DTNA: variants seen among roughly 807,000 people sequenced by gnomAD.
DTNA encodes dystrobrevin alpha.
DTNA carries 43 observed loss-of-function variants against 100.7 expected under a neutral mutation model. The ratio of observed to expected loss-of-function variants is 0.43; its 90% CI spans 0.33 to 0.55. The LOEUF (loss-of-function observed/expected upper bound fraction) is 0.55. Among genes scored for constraint, DTNA ranks in the 20% least tolerant of loss-of-function variants. DTNA has a pLI of 0.04. For missense variants in DTNA, 798 were observed against 953.9 expected (o/e 0.84, Z 2.15); for synonymous variants, 349 against 347.9 (o/e 1.00, Z -0.04).
At chr18:34,701,508 T>C (rs755673297) in intron 1 of DTNA, among the ~76,000 whole-genome samples, 12 of 152,114 alleles carry the variant, frequency 7.9e-5, no homozygotes, top group Non-Finnish European at 1.3e-4. Flanking sequence ...GTCTCTTCTC[T>C]TCCCAGGACT....
intron 16 of DTNA, among the ~76,000 whole-genome samples, chr18:34,862,968 T>C (rs930068092): frequency 6.6e-6 from 1 of 152,042 alleles, no homozygotes; most frequent in Admixed American, 6.5e-5. Flanking sequence ...TATGCTATCA[T>C]TGAGACTAGC....
intron 1 of DTNA, among the ~76,000 whole-genome samples, chr18:34,546,070 A>G (rs1314418113): frequency 6.6e-6 from 1 of 152,124 alleles, no homozygotes; most frequent in Non-Finnish European, 1.5e-5. Flanking sequence ...ATTTCCTGTA[A>G]ATTGGTACAA....
At chr18:34,533,372 A>C (rs1299217831) in intron 1 of DTNA, among the ~76,000 whole-genome samples, 2 of 134,486 alleles carry the variant, frequency 1.5e-5, no homozygotes, top group Non-Finnish European at 3.1e-5. Context: ...ACTCCATCTC[A>C]AAAAAAAAAA....
chr18:34,647,084 T>C (rs1740105263), intron 1 of DTNA, among the ~76,000 whole-genome samples: 2 of 151,606 alleles, frequency 1.3e-5, no homozygotes, highest in Admixed American at 1.3e-4. Context: ...TTCATTTGAG[T>C]GAATGTGAGT....
intron 1 of DTNA, among the ~76,000 whole-genome samples, chr18:34,665,327 A>G (rs1435595419): frequency 3.9e-5 from 6 of 152,188 alleles, no homozygotes; most frequent in Non-Finnish European, 7.3e-5. Context: ...TGTCAATGAA[A>G]TTGTGTCCAA....
chr18:34,498,447 TA>T (rs2039518294), intron 1 of DTNA, among the ~76,000 whole-genome samples: 9 of 80,960 alleles, frequency 1.1e-4, no homozygotes, highest in African/African-American at 4.3e-4. Context: ...AATAATATAA[TA>T]ATAATAATAA....
intron 1 of DTNA, chr18:34,503,923 T>A (rs1480248635): frequency 1.3e-5 from 2 of 151,994 alleles, no homozygotes; most frequent in African/African-American, 4.8e-5. Context: ...GCAAGCTCCG[T>A]CTCCCGGGTT....
intron 1 of DTNA, among the ~76,000 whole-genome samples, chr18:34,660,055 A>T (rs1290289832): frequency 6.6e-6 from 1 of 152,232 alleles, no homozygotes; most frequent in Non-Finnish European, 1.5e-5. Context: ...CAAGGAGGGC[A>T]GAAGGCAAAG....
chr18:34,826,789 G>A (rs1351701598), intron 9 of DTNA, among the ~76,000 whole-genome samples: 1 of 152,088 alleles, frequency 6.6e-6, no homozygotes, highest in Non-Finnish European at 1.5e-5. Context: ...AAAATGGCTT[G>A]GAGATGAGAT....
chr18:34,764,028 A>AAG (rs1371283709), intron 2 of DTNA, among the ~76,000 whole-genome samples: 1 of 152,212 alleles, frequency 6.6e-6, no homozygotes, highest in Non-Finnish European at 1.5e-5. Flanking sequence ...ATGAATTCTC[A>AAG]AATGGCAGGG....
At chr18:34,548,172 C>T (rs1162118533) in intron 1 of DTNA, among the ~76,000 whole-genome samples, 1 of 152,050 alleles carries the variant, frequency 6.6e-6, no homozygotes, top group Non-Finnish European at 1.5e-5. Flanking sequence ...TGCTGCCTTA[C>T]ATGTATTTTT....
chr18:34,856,079 A>G (rs529034474), intron 15 of DTNA, among the ~76,000 whole-genome samples: 4 of 152,284 alleles, frequency 2.6e-5, no homozygotes, highest in African/African-American at 9.6e-5. Flanking sequence ...CATGTCTTTA[A>G]GGACTAGAGA....
At chr18:34,871,070 G>T (rs1037784887) in intron 17 of DTNA, among the ~76,000 whole-genome samples, 1 of 152,198 alleles carries the variant, frequency 6.6e-6, no homozygotes. Flanking sequence ...AAGCTGCTAG[G>T]TGCGGCCAGG....
At chr18:34,531,193 T>C (rs967411342) in intron 1 of DTNA, among the ~76,000 whole-genome samples, 11 of 152,104 alleles carry the variant, frequency 7.2e-5, no homozygotes, top group African/African-American at 1.7e-4. Flanking sequence ...ACATTCTGTG[T>C]TTTAACCCTG....
In DTNA at chr18:34,775,379, A is replaced by G. The variant is rs1261819521; in HGVS notation, c.148+9338A>G. ...TGGGCGCCAGTAGTCCCAGCTACTC[A>G]GGAGGCTGAGGCAGGAGAATGGCGT... On this transcript the variant is annotated intron_variant, in intron 3 of 22. Coordinates refer to ENST00000444659, the MANE Select transcript of DTNA (RefSeq NM_001386795.1). Among the ~76,000 whole-genome samples the G allele has an allele frequency of 7.2e-5, 11 of 152,230 alleles. No individual in the cohort carries two copies. In the East Asian group the frequency reaches 2.1e-3, roughly 29 times the overall value.
rs1006201175 is a variant in DTNA, at chr18:34,888,266, A to C, written c.*532A>C. ...CAAAACAGTTTATTATACACTGTAC[A>C]TTTTTTTCACAGCAATTGGAAAAAA... On this transcript the variant is annotated 3_prime_UTR_variant, in exon 23 of 23. Coordinates refer to ENST00000444659, the MANE Select transcript of DTNA (RefSeq NM_001386795.1). 2.0e-6 allele frequency: 2 copies of C among 985,758 alleles called. No homozygotes were observed. The highest frequency in any genetic ancestry group is 1.1e-4 in the East Asian group (1 of 8,816). The allele number at this position is 985,758 out of a possible 1,614,324, so 61.1% of individuals were successfully genotyped here.
chr18:34,829,200 T>C (rs1342980672), intron 10 of DTNA, 200 bp from the exon 11 acceptor site: 1 of 1,578,352 alleles, frequency 6.3e-7, no homozygotes, highest in Non-Finnish European at 8.6e-7. Flanking sequence ...TTTTCAGTCA[T>C]TTTGGAATGT....
chr18:34,727,462 T>C (rs1203855176), intron 1 of DTNA, among the ~76,000 whole-genome samples: 1 of 152,208 alleles, frequency 6.6e-6, no homozygotes, highest in Non-Finnish European at 1.5e-5. Context: ...TTCACAGTAT[T>C]GTGAAAACAA....
intron 4 of DTNA, among the ~76,000 whole-genome samples, chr18:34,797,621 T>C (rs1022582288): frequency 1.3e-5 from 2 of 152,232 alleles, no homozygotes; most frequent in Non-Finnish European, 2.9e-5. Flanking sequence ...GTTGTTCTTA[T>C]TATTTTGTAG....
Sources: allele counts gnomAD v4.1 joint callset (sites outside exome capture counted in the v4.1 genomes callset), GRCh38; gene constraint gnomAD v4.1.1; transcripts MANE v1.5; gene names NCBI Gene and HGNC (gene_info 2026-07-23, HGNC 2026-07-21).